GYS1: variants seen among roughly 807,000 people sequenced by gnomAD.
GYS1 encodes the protein glycogen [starch] synthase, muscle.
Under a neutral mutation model 89.1 loss-of-function variants are expected in GYS1, and 60 were observed. That is an observed-to-expected ratio of 0.67 (90% CI 0.55 to 0.84). The LOEUF is 0.84. Among genes scored for constraint, GYS1 ranks in the 40% least tolerant of loss-of-function variants. The probability of loss-of-function intolerance (pLI) is 0.00; values close to 1 mark genes in which losing one functional copy is unlikely to be tolerated. For missense variants in GYS1, 888 were observed against 1,003.1 expected, an observed-to-expected ratio of 0.89 and a Z score of 1.55; for synonymous variants, 366 against 401.7, an observed-to-expected ratio of 0.91 and a Z score of 1.06.
intron 3 of GYS1, 102 bp from the exon 4 acceptor site, chr19:48,986,137 C>G (rs746843887): frequency 1.6e-5 from 16 of 1,013,402 alleles, no homozygotes; most frequent in Non-Finnish European, 2.3e-5. Context: ...AATCTGTCAC[C>G]ACTACTGCAC....
intron 8 of GYS1, among the ~76,000 whole-genome samples, chr19:48,978,488 G>A (rs781602258): frequency 1.3e-5 from 2 of 151,604 alleles, no homozygotes; most frequent in Non-Finnish European, 2.9e-5. Flanking sequence ...GCCTCCCAAA[G>A]TACTGGGATT....
intron 8 of GYS1, among the ~76,000 whole-genome samples, chr19:48,980,171 T>G (rs2038736740): frequency 6.6e-6 from 1 of 152,120 alleles, no homozygotes; most frequent in Non-Finnish European, 1.5e-5. Flanking sequence ...CAATCATGCC[T>G]CGGGGCCTTC....
chr19:48,985,433 C>T (rs915475053), intron 5 of GYS1, 28 bp downstream of exon 5: 15 of 1,610,722 alleles, frequency 9.3e-6, no homozygotes, highest in Middle Eastern at 1.6e-4. Flanking sequence ...ACCTCATTCA[C>T]GTCTGGGGAC....
chr19:48,987,135 CA>C, intron 3 of GYS1, 58 bp downstream of exon 3: 1 of 1,246,618 alleles, frequency 8.0e-7, no homozygotes. Context: ...TCCTCTGGCC[CA>C]GGGGCTGATG....
At chr19:48,982,603 G>C (rs1043363771) in intron 6 of GYS1, 117 bp downstream of exon 6, 1 of 890,640 alleles carries the variant, frequency 1.1e-6, no homozygotes, top group South Asian at 1.3e-5. Context: ...CGAATACCCA[G>C]GTGCCCCCTC....
chr19:48,992,937 C>G, intron 1 of GYS1, 58 bp downstream of exon 1: 1 of 985,366 alleles, frequency 1.0e-6, no homozygotes, highest in Non-Finnish European at 1.6e-6. Flanking sequence ...CTCAGAGTTC[C>G]GGGCCCCCAT....
At chr19:48,979,727 A>G (rs1351940881) in intron 8 of GYS1, among the ~76,000 whole-genome samples, 2 of 147,896 alleles carry the variant, frequency 1.4e-5, no homozygotes, top group Non-Finnish European at 3.0e-5. Context: ...GCTCACTGCA[A>G]TCTCTGCCTC....
Position 48,970,722 on chromosome 19 carries a change from G to A in GYS1, c.1646-13C>T. On this transcript the variant is annotated splice_polypyrimidine_tract_variant and intron_variant, in intron 13 of 15. Coordinates refer to ENST00000323798, the MANE Select transcript of GYS1 (RefSeq NM_002103.5). ...AGAATGTAGATACCTGTGGAGGCCAGGACCCAGGTTCAGAAAACATCCTGG... is the reference window on the plus strand; with the variant it reads ...AGAATGTAGATACCTGTGGAGGCCAAGACCCAGGTTCAGAAAACATCCTGG... 1.9e-6 allele frequency: 3 copies of A among 1,613,000 alleles called. No individual in the cohort carries two copies. Among genetic ancestry groups the A allele is most frequent in the Non-Finnish European group, 2.5e-6 (3 of 1,179,342 alleles).
At chr19:48,975,931 A>C (rs2122482669) in intron 10 of GYS1, among the ~76,000 whole-genome samples, 1 of 150,960 alleles carries the variant, frequency 6.6e-6, no homozygotes, top group South Asian at 2.1e-4. Context: ...AAAAAAAAAA[A>C]AAAAGAAGAA....
intron 14 of GYS1, 49 bp from the exon 15 acceptor site, chr19:48,969,904 C>T (rs779816112): frequency 1.5e-6 from 2 of 1,327,330 alleles, no homozygotes; most frequent in South Asian, 1.2e-5. Context: ...CCAGGCCCCA[C>T]CCCCAGGCAG....
chr19:48,986,349 T>C (rs1200094195), intron 3 of GYS1, among the ~76,000 whole-genome samples: 5 of 152,132 alleles, frequency 3.3e-5, no homozygotes, highest in Non-Finnish European at 5.9e-5. Flanking sequence ...TCCCAGGTCC[T>C]GGACATAGTT....
Position 48,973,536 on chromosome 19 carries a change from T to C in GYS1, c.1549+677A>G, listed in dbSNP as rs562829346. On this transcript the variant is annotated intron_variant, in intron 12 of 15. Coordinates refer to ENST00000323798, the MANE Select transcript of GYS1 (RefSeq NM_002103.5). ...TTTTTTTTTTTTTTTTGAGACGGAGTCTCGCTCTGTCACCCAGAGCACAGC... is the reference window on the plus strand; with the variant it reads ...TTTTTTTTTTTTTTTTGAGACGGAGCCTCGCTCTGTCACCCAGAGCACAGC... 2.9e-4 allele frequency among the ~76,000 whole-genome samples: 39 copies of C among 133,350 alleles called. 1 individual carries two copies. Among genetic ancestry groups the C allele is most frequent in the Non-Finnish European group, 2.9e-4 (19 of 64,636 alleles). The allele number at this position is 133,350 out of a possible 152,430, so 87.5% of individuals were successfully genotyped here.
rs370798288 is a variant in GYS1, at chr19:48,970,504, C to T, written c.1809+42G>A. 3.2e-6 allele frequency: 5 copies of T among 1,568,074 alleles called. No individual in the cohort carries two copies. The African/African-American group carries it at 4.1e-5, about 13-fold the overall frequency. Reference sequence around the variant, plus strand: ...TGCACCAAAGACCCCTAGCCAGGAGCTGCTGATTTGCCAGGAGAGGATAGG... The same window carrying T: ...TGCACCAAAGACCCCTAGCCAGGAGTTGCTGATTTGCCAGGAGAGGATAGG... On this transcript the variant is annotated intron_variant, in intron 14 of 15. Transcript: ENST00000323798.
At position 48,970,585 on chromosome 19, in the gene GYS1, C is replaced by T; in HGVS notation, c.1770G>A (p.Glu590=). The T allele has an allele frequency of 6.2e-7, 1 of 1,613,910 alleles. No individual in the cohort carries two copies. Among genetic ancestry groups the T allele is most frequent in the East Asian group, 2.2e-5 (1 of 44,880 alleles). The change falls in exon 14 of 16, where the codon GAG becomes GAA. Residue 590 remains glutamate, a synonymous_variant. Coordinates refer to ENST00000323798, the MANE Select transcript of GYS1 (RefSeq NM_002103.5). ...RQRIIQRNRT[E]RLSDLLDWKY... ...TCCAGTCCAGAAGGTCGGAGAGGCG[C>T]TCCGTGCGGTTCCGCTGGATGATAC...
chr19:48,971,346 A>G (rs1315378154), intron 12 of GYS1, among the ~76,000 whole-genome samples: 1 of 152,182 alleles, frequency 6.6e-6, no homozygotes. Context: ...GCCAAGGTCC[A>G]TCATTCTACT....
In GYS1 at chr19:48,974,286, G is replaced by C; in HGVS notation, c.1476C>G (p.Asp492Glu). 6.2e-7 allele frequency: 1 copy of C among 1,613,592 alleles called. No homozygotes were observed. Among genetic ancestry groups the C allele is most frequent in the Non-Finnish European group, 8.5e-7 (1 of 1,179,550 alleles). Reference sequence around the variant, plus strand: ...GACAGCCACGGACAAACTCCTCATAGTCCACAGGGAGCAGGGGGCTTGTGG... The same window carrying C: ...GACAGCCACGGACAAACTCCTCATACTCCACAGGGAGCAGGGGGCTTGTGG... ...LSSTSPLLPV[D>E]YEEFVRGCHL... The change falls in exon 12 of 16, where the codon GAC becomes GAG. Residue 492 changes from aspartate (D) to glutamate (E), a missense_variant. By Grantham distance (45) the Asp-to-Glu change is conservative. Transcript: ENST00000323798.
Position 48,978,151 on chromosome 19 carries a change from C to T in GYS1, c.1176G>A (p.Thr392=), listed in dbSNP as rs151212573. The part of the protein sequence containing the change: ...GQAVRKQLWD[T]ANTVKEKFGR... ...CGAACTTTTCCTTCACCGTGTTGGC[C>T]GTGTCCCTGGAGGAAGCAGAGCAAC... The change falls in exon 9 of 16, where the codon ACG becomes ACA. Residue 392 remains threonine, a synonymous_variant. Coordinates refer to ENST00000323798, the MANE Select transcript of GYS1 (RefSeq NM_002103.5). 20 of 1,613,646 alleles carry T rather than the reference C, an allele frequency of 1.2e-5. No individual in the cohort carries two copies. The highest frequency in any genetic ancestry group is 1.6e-4 in the Middle Eastern group (1 of 6,082).
At chr19:48,970,231 C>CT in intron 14 of GYS1, 1 of 464,624 alleles carries the variant, frequency 2.2e-6, no homozygotes, top group Non-Finnish European at 3.9e-6. Context: ...CTCAAGCGAC[C>CT]CTACCACCTC....
intron 10 of GYS1, among the ~76,000 whole-genome samples, chr19:48,975,940 A>G (rs537823122): frequency 1.3e-5 from 2 of 150,500 alleles, no homozygotes; most frequent in African/African-American, 4.9e-5. Flanking sequence ...AAAAAAGAAG[A>G]AAAAAGAAAA....
Sources: allele counts gnomAD v4.1 joint callset (sites outside exome capture counted in the v4.1 genomes callset), GRCh38; gene constraint gnomAD v4.1.1; transcripts MANE v1.5; gene names NCBI Gene and HGNC (gene_info 2026-07-23, HGNC 2026-07-21).